GALNT17: variants seen among roughly 807,000 people sequenced by gnomAD.
The protein encoded by GALNT17 is UDP-GalNAc:polypeptide N-acetylgalactosaminyltransferase-like 3.
In GALNT17, 29 loss-of-function variants were observed where a neutral mutation model predicts 63.7. The ratio of observed to expected loss-of-function variants is 0.46; its 90% CI spans 0.34 to 0.62. The LOEUF (loss-of-function observed/expected upper bound fraction) is 0.62. Ranked by LOEUF, GALNT17 falls within the 20% of genes least tolerant of loss-of-function variation. The probability of loss-of-function intolerance (pLI) is 0.01; values close to 1 mark genes in which losing one functional copy is unlikely to be tolerated. For missense variants in GALNT17, 603 were observed against 799.6 expected, an observed-to-expected ratio of 0.75 and a Z score of 2.97; for synonymous variants, 305 against 318.3, an observed-to-expected ratio of 0.96 and a Z score of 0.45.
chr7:71,420,843 TG>T, intron 4 of GALNT17, 64 bp from the exon 5 acceptor site: 1 of 1,568,364 alleles, frequency 6.4e-7, no homozygotes, highest in Non-Finnish European at 8.8e-7. Flanking sequence ...TCATTCCGTG[TG>T]GTCTTGGGAG....
chr7:71,660,044 C>G (rs980788024), intron 6 of GALNT17, among the ~76,000 whole-genome samples: 3 of 152,190 alleles, frequency 2.0e-5, no homozygotes, highest in African/African-American at 7.2e-5. Context: ...TAATGCATTT[C>G]CCTTGCTAGA....
At chr7:71,202,125 C>T (rs914926886) in intron 1 of GALNT17, among the ~76,000 whole-genome samples, 5 of 151,976 alleles carry the variant, frequency 3.3e-5, no homozygotes, top group Admixed American at 6.6e-5. Flanking sequence ...TTTTTTCTCT[C>T]GTTTTTTTCT....
At chr7:71,254,734 G>C (rs530856691) in intron 1 of GALNT17, among the ~76,000 whole-genome samples, 1 of 152,248 alleles carries the variant, frequency 6.6e-6, no homozygotes, top group South Asian at 2.1e-4. Flanking sequence ...TTGATTTACA[G>C]AGTGTACCCC....
At chr7:71,525,104 G>C (rs914242038) in intron 5 of GALNT17, among the ~76,000 whole-genome samples, 2 of 152,102 alleles carry the variant, frequency 1.3e-5, no homozygotes, top group African/African-American at 4.8e-5. Context: ...TAAAAGTCAT[G>C]GCAAAAACTG....
chr7:71,518,519 C>T (rs368440399), intron 5 of GALNT17, among the ~76,000 whole-genome samples: 19 of 152,264 alleles, frequency 1.2e-4, no homozygotes, highest in African/African-American at 3.4e-4. Context: ...CCATTAATCA[C>T]GCAAGAGACA....
chr7:71,366,440 G>A (rs1792509705), intron 2 of GALNT17, among the ~76,000 whole-genome samples: 1 of 152,116 alleles, frequency 6.6e-6, no homozygotes, highest in Non-Finnish European at 1.5e-5. Context: ...AATTAGCTAG[G>A]CATGGTGGCG....
At chr7:71,711,979 T>C in intron 10 of GALNT17, 39 bp from the exon 11 acceptor site, 1 of 1,610,082 alleles carries the variant, frequency 6.2e-7, no homozygotes, top group Non-Finnish European at 8.5e-7. Context: ...CTCTCTCCTC[T>C]CTCTCTTCTC....
intron 1 of GALNT17, among the ~76,000 whole-genome samples, chr7:71,277,585 A>G (rs991717151): frequency 2.6e-5 from 4 of 152,254 alleles, no homozygotes; most frequent in African/African-American, 9.6e-5. Flanking sequence ...AAATGATATA[A>G]ATGTTACATT....
chr7:71,135,091 A>T (rs1263190294), intron 1 of GALNT17, among the ~76,000 whole-genome samples: 1 of 152,028 alleles, frequency 6.6e-6, no homozygotes, highest in Admixed American at 6.6e-5. Flanking sequence ...GCTTCAAGCA[A>T]TCCTCCTGCC....
chr7:71,341,520 C>G (rs537796129), intron 2 of GALNT17, among the ~76,000 whole-genome samples: 179 of 152,218 alleles, frequency 1.2e-3, no homozygotes, highest in African/African-American at 4.0e-3. Flanking sequence ...TTCAAAACAA[C>G]TTGGATGAAG....
intron 1 of GALNT17, among the ~76,000 whole-genome samples, chr7:71,301,375 A>T (rs1791193963): frequency 6.8e-6 from 1 of 147,334 alleles, no homozygotes; most frequent in Non-Finnish European, 1.5e-5. Flanking sequence ...ACTAATAATT[A>T]TATATAATAA....
intron 1 of GALNT17, among the ~76,000 whole-genome samples, chr7:71,153,946 TA>T (rs869199288): frequency 3.8e-5 from 5 of 131,324 alleles, no homozygotes; most frequent in Non-Finnish European, 5.2e-5. Context: ...AAATAAAAAA[TA>T]AAAAAATAAA....
intron 6 of GALNT17, among the ~76,000 whole-genome samples, chr7:71,630,656 AT>A (rs1404690759): frequency 6.6e-6 from 1 of 152,202 alleles, no homozygotes; most frequent in Non-Finnish European, 1.5e-5. Context: ...AGCTGGTGTA[AT>A]TGGCCCTCAC....
At chr7:71,251,663 C>T (rs376455520) in intron 1 of GALNT17, among the ~76,000 whole-genome samples, 7 of 152,180 alleles carry the variant, frequency 4.6e-5, no homozygotes, top group East Asian at 1.9e-4. Flanking sequence ...CCTCTCTTCC[C>T]GGAGTGCTGA....
chr7:71,583,265 T>C (rs1789663670), intron 6 of GALNT17, among the ~76,000 whole-genome samples: 1 of 152,108 alleles, frequency 6.6e-6, no homozygotes, highest in Non-Finnish European at 1.5e-5. Context: ...CGGCTAATTT[T>C]TTGTATTTTT....
intron 1 of GALNT17, among the ~76,000 whole-genome samples, chr7:71,262,530 A>G (rs718982): frequency 0.12 from 17,834 of 152,160 alleles, 1,227 homozygotes; most frequent in South Asian, 0.21. Flanking sequence ...CCAAATTCCT[A>G]TGTTAAAGTC....
chr7:71,192,092 G>T (rs1788961882), intron 1 of GALNT17, among the ~76,000 whole-genome samples: 1 of 152,186 alleles, frequency 6.6e-6, no homozygotes, highest in African/African-American at 2.4e-5. Context: ...AAAAGCCGAA[G>T]AACTTGGAAT....
intron 5 of GALNT17, among the ~76,000 whole-genome samples, chr7:71,504,712 A>G (rs1788238194): frequency 6.6e-6 from 1 of 151,952 alleles, no homozygotes; most frequent in African/African-American, 2.4e-5. Flanking sequence ...CCTTTGTCAA[A>G]TTTGCTGTCT....
chr7:71,622,938 G>T (rs6977420), intron 6 of GALNT17, among the ~76,000 whole-genome samples: 12,877 of 152,174 alleles, frequency 0.085, 700 homozygotes, highest in African/African-American at 0.15. Context: ...CACTGACCCT[G>T]CCTTTTCCCT....
Sources: allele counts gnomAD v4.1 joint callset (sites outside exome capture counted in the v4.1 genomes callset), GRCh38; gene constraint gnomAD v4.1.1; transcripts MANE v1.5; gene names NCBI Gene and HGNC (gene_info 2026-07-23, HGNC 2026-07-21).